Variants in MACROD2 observed in about 807,000 individuals in gnomAD.
The protein encoded by MACROD2 is ADP-ribose glycohydrolase MACROD2.
MACROD2 carries 36 observed loss-of-function variants against 70.4 expected under a neutral mutation model. The observed-to-expected ratio is 0.51, with a 90% CI of 0.39 to 0.68. The LOEUF (loss-of-function observed/expected upper bound fraction) is 0.68, where lower values mean the gene tolerates loss of function less well. Among genes scored for constraint, MACROD2 ranks in the 30% least tolerant of loss-of-function variants. The pLI is 0.00. For missense variants in MACROD2, 496 were observed against 538.4 expected (o/e 0.92, Z 0.78); for synonymous variants, 172 against 178.8 (o/e 0.96, Z 0.30).
intron 3 of MACROD2, among the ~76,000 whole-genome samples, chr20:14,389,854 G>A (rs2083508745): frequency 6.6e-6 from 1 of 152,152 alleles, no homozygotes; most frequent in African/African-American, 2.4e-5. Flanking sequence ...AGACAAGGAT[G>A]CCCTCTTTCA....
intron 8 of MACROD2, among the ~76,000 whole-genome samples, chr20:15,728,504 A>G (rs957441213): frequency 1.3e-5 from 2 of 152,058 alleles, no homozygotes; most frequent in Non-Finnish European, 2.9e-5. Context: ...ACTTGGTAGA[A>G]TTGTCTGTGA....
chr20:14,285,600 A>T (rs755835152), intron 3 of MACROD2, among the ~76,000 whole-genome samples: 1 of 151,724 alleles, frequency 6.6e-6, no homozygotes, highest in Non-Finnish European at 1.5e-5. Context: ...AAAAAACAAT[A>T]AAAAAAACTA....
At chr20:14,774,728 A>T (rs2072212392) in intron 5 of MACROD2, among the ~76,000 whole-genome samples, 1 of 152,150 alleles carries the variant, frequency 6.6e-6, no homozygotes, top group Non-Finnish European at 1.5e-5. Context: ...AATGAGTAAG[A>T]TACTATGTAA....
chr20:15,364,541 T>C (rs769886562), intron 6 of MACROD2, among the ~76,000 whole-genome samples: 9 of 152,182 alleles, frequency 5.9e-5, no homozygotes, highest in Non-Finnish European at 8.8e-5. Context: ...TATCTTTCCA[T>C]AAACCAGATC....
intron 15 of MACROD2, among the ~76,000 whole-genome samples, chr20:16,009,319 G>A (rs773004079): frequency 3.2e-4 from 49 of 152,286 alleles, no homozygotes; most frequent in East Asian, 9.6e-4. Flanking sequence ...AGGGACACAG[G>A]AGCATGGAAA....
In MACROD2 at chr20:14,044,384, C is replaced by T. The variant is rs146728540; in HGVS notation, c.164-41237C>T. 4.1e-3 allele frequency among the ~76,000 whole-genome samples: 624 copies of T among 152,196 alleles called. 32 individuals are homozygous for T. The East Asian group carries it at 0.1, about 26-fold the overall frequency. On this transcript the variant is annotated intron_variant, in intron 2 of 17. Coordinates refer to ENST00000684519, the MANE Select transcript of MACROD2 (RefSeq NM_001351661.2). ...CAGCAGCAAGATTTATTGCAAAGAG[C>T]GAAAGAACAAAGCTTCCACAGTGTG...
chr20:15,405,064 A>C (rs1265893967), intron 6 of MACROD2, among the ~76,000 whole-genome samples: 1 of 152,186 alleles, frequency 6.6e-6, no homozygotes, highest in Non-Finnish European at 1.5e-5. Context: ...ACATTTATAT[A>C]AAATGTCCAA....
rs149851038 is a variant in MACROD2, at chr20:15,005,339, G to A, written c.419-224601G>A. ...ATTAAATTCCCCTTAAAAAGCCCAA[G>A]GCATCTATTTGTTTCATGGAAACTT... is the stretch of plus-strand genomic sequence containing the variant. On this transcript the variant is annotated intron_variant, in intron 5 of 17. Coordinates refer to ENST00000684519, the MANE Select transcript of MACROD2 (RefSeq NM_001351661.2). Among the ~76,000 whole-genome samples, 1,001 of 152,214 alleles carry A rather than the reference G, an allele frequency of 6.6e-3. 6 individuals carry two copies. The highest frequency in any genetic ancestry group is 0.041 in the Middle Eastern group (12 of 294).
rs142729414 is a variant in MACROD2 at position 15,301,618 on chromosome 20, G to A, written c.540+71557G>A. 6.1e-3 allele frequency among the ~76,000 whole-genome samples: 288 copies of A among 47,326 alleles called. 1 individual carries two copies. Among genetic ancestry groups the A allele is most frequent in the Non-Finnish European group, 9.9e-3 (242 of 24,366 alleles). 31.0% of individuals were successfully genotyped at this position (47,326 alleles called of 152,430 possible). On this transcript the variant is annotated intron_variant, in intron 6 of 17. Transcript: ENST00000684519. The stretch of plus-strand genomic sequence containing the variant: ...TTTTTTTTTTTTTTTTTTTTTTGTA[G>A]AGACAAGAGTATTGAAGTGCCCAGG...
chr20:14,069,734 G>A (rs1375818503), intron 2 of MACROD2, among the ~76,000 whole-genome samples: 1 of 148,974 alleles, frequency 6.7e-6, no homozygotes, highest in Non-Finnish European at 1.5e-5. Context: ...GGGCCAAAAA[G>A]ATCCCCAAAG....
intron 5 of MACROD2, among the ~76,000 whole-genome samples, chr20:14,719,473 G>GAAAAAAAAAAA (rs11087105): frequency 1.0e-4 from 14 of 136,304 alleles, no homozygotes; most frequent in South Asian, 2.3e-4. Flanking sequence ...AAGATAGAAA[G>GAAAAAAAAAAA]AAAAAAAAAA....
intron 5 of MACROD2, among the ~76,000 whole-genome samples, chr20:15,214,015 G>T (rs981473947): frequency 6.6e-6 from 1 of 151,940 alleles, no homozygotes; most frequent in Non-Finnish European, 1.5e-5. Flanking sequence ...AAAGTTCCGG[G>T]ATTACAGGTG....
At chr20:14,542,419 A>G (rs1011227783) in intron 4 of MACROD2, among the ~76,000 whole-genome samples, 1 of 152,236 alleles carries the variant, frequency 6.6e-6, no homozygotes, top group African/African-American at 2.4e-5. Flanking sequence ...AAGGGAGCTT[A>G]TACTAAGTTT....
rs76547882 is a variant in MACROD2 at position 14,334,058 on chromosome 20, C to T, written c.272-159421C>T. ...ACCTGCAGAAAGCTTTTTATACATCCCTGACACTTGATTTTAGGGTAGGAA... is the reference window on the plus strand; with the variant it reads ...ACCTGCAGAAAGCTTTTTATACATCTCTGACACTTGATTTTAGGGTAGGAA... On this transcript the variant is annotated intron_variant, in intron 3 of 17. Coordinates refer to ENST00000684519, the MANE Select transcript of MACROD2 (RefSeq NM_001351661.2). Among the ~76,000 whole-genome samples the T allele has an allele frequency of 7.2e-3, 1,099 of 152,242 alleles. 6 individuals carry two copies. Among genetic ancestry groups the T allele is most frequent in the Non-Finnish European group, 0.012 (789 of 68,014 alleles).
chr20:14,147,439 G>A (rs972218189), intron 3 of MACROD2, among the ~76,000 whole-genome samples: 2 of 152,054 alleles, frequency 1.3e-5, no homozygotes, highest in African/African-American at 4.8e-5. Flanking sequence ...AGCAGTGCCA[G>A]GTACTTCTGT....
At chr20:14,510,602 C>T (rs182844395) in intron 4 of MACROD2, among the ~76,000 whole-genome samples, 1 of 152,098 alleles carries the variant, frequency 6.6e-6, no homozygotes, top group Non-Finnish European at 1.5e-5. Flanking sequence ...TGTCTTGTCT[C>T]AGGAGAACTC....
At chr20:15,966,120 G>A (rs1047814179) in intron 12 of MACROD2, among the ~76,000 whole-genome samples, 5 of 152,098 alleles carry the variant, frequency 3.3e-5, no homozygotes. Context: ...AATTTTGAGA[G>A]GAAATGAATG....
intron 5 of MACROD2, among the ~76,000 whole-genome samples, chr20:15,027,035 A>G (rs1002774235): frequency 6.6e-6 from 1 of 152,144 alleles, no homozygotes; most frequent in Non-Finnish European, 1.5e-5. Flanking sequence ...GTCTGGTTCA[A>G]AATTGAACAC....
Position 15,731,764 on chromosome 20 carries a change from T to A in MACROD2, c.646-130981T>A, listed in dbSNP as rs1265599145. On this transcript the variant is annotated intron_variant, in intron 8 of 17. Transcript: ENST00000684519. ...GCATTCTTTTTTTTCTTTTTATTTT[T>A]TTTTTTTTGAGACGGAGTTTCACTC... is the stretch of plus-strand genomic sequence containing the variant. 5.7e-3 allele frequency among the ~76,000 whole-genome samples: 317 copies of A among 55,244 alleles called. 136 individuals are homozygous for A. Among genetic ancestry groups the A allele is most frequent in the Admixed American group, 0.013 (75 of 5,682 alleles). 36.2% of individuals were successfully genotyped at this position (55,244 alleles called of 152,430 possible). A position where few individuals can be genotyped will look rare whatever the true frequency, so the allele number is the denominator to read the frequency against.
Sources: allele counts gnomAD v4.1 joint callset (sites outside exome capture counted in the v4.1 genomes callset), GRCh38; gene constraint gnomAD v4.1.1; transcripts MANE v1.5; gene names NCBI Gene and HGNC (gene_info 2026-07-23, HGNC 2026-07-21).